The following DTX2 variants were observed in gnomAD, a reference collection of about 807,000 sequenced individuals.
DTX2 encodes probable E3 ubiquitin-protein ligase DTX2.
Under a neutral mutation model 55.3 loss-of-function variants are expected in DTX2, and 29 were observed. The observed-to-expected ratio is 0.52, with a 90% CI of 0.39 to 0.71. The LOEUF is 0.71. Among genes scored for constraint, DTX2 ranks in the 30% least tolerant of loss-of-function variants. The pLI is 0.00. For missense variants in DTX2, 537 were observed against 822.5 expected, an observed-to-expected ratio of 0.65 and a Z score of 4.25; for synonymous variants, 276 against 340.4, an observed-to-expected ratio of 0.81 and a Z score of 2.08.
rs750978103 is a variant in DTX2 at position 76,503,519 on chromosome 7, A to C, written c.1483A>C (p.Met495Leu). ...QGKMEVLRFQ[M>L]SLPGHEDCGT... ...AAAGATGGAGGTATTACGGTTCCAG[A>C]TGTCGCTCCCCGGCCACGAGGACTG... The change falls in exon 9 of 11, where the codon ATG becomes CTG. Residue 495 changes from methionine (M) to leucine (L), a missense_variant. Met to Leu is a conservative substitution (Grantham distance 15). Transcript: ENST00000430490. The C allele has an allele frequency of 5.6e-6, 9 of 1,612,746 alleles. No individual in the cohort carries two copies. In the South Asian group the frequency reaches 9.9e-5, roughly 18 times the overall value.
intron 3 of DTX2, among the ~76,000 whole-genome samples, chr7:76,481,060 A>G (rs768952838): frequency 1.6e-4 from 24 of 152,368 alleles, no homozygotes; most frequent in Middle Eastern, 3.4e-3. Flanking sequence ...GCAGGCCGGC[A>G]TGGAGGTGGT....
Position 76,503,463 on chromosome 7 carries a change from A to T in DTX2, c.1427A>T (p.Tyr476Phe), listed in dbSNP as rs780204346. Residue 476 changes from tyrosine (Y) to phenylalanine (F), a missense_variant, in exon 9 of 11, where the codon TAT (tyrosine) becomes TTT (phenylalanine). This residue lies in a region of DTX2 where 121 missense variants were observed against 136.8 expected (regional missense o/e 0.88). Coordinates refer to ENST00000430490, the MANE Select transcript of DTX2 (RefSeq NM_001102594.3). ...SLQCPSCKTIYGEKTGTQPQG... is the reference protein window; with the variant it reads ...SLQCPSCKTIFGEKTGTQPQG... ...CAGTGTCCCTCCTGCAAAACCATCT[A>T]TGGAGAGAAGACGGGGACCCAGCCC... is the stretch of plus-strand genomic sequence containing the variant. 3.7e-6 allele frequency: 6 copies of T among 1,612,982 alleles called. No individual in the cohort carries two copies. The South Asian group carries it at 6.6e-5, about 18-fold the overall frequency.
chr7:76,501,370 C>A (rs1358485417), intron 7 of DTX2: 2 of 442,444 alleles, frequency 4.5e-6, no homozygotes, highest in African/African-American at 4.0e-5. Context: ...GCCACATTCC[C>A]GCCTGCCCAG....
In DTX2 at chr7:76,493,631, T is replaced by C. The variant is rs1379729262; in HGVS notation, c.1009+1378T>C. Among the ~76,000 whole-genome samples, 4 of 84,202 alleles carry C rather than the reference T, an allele frequency of 4.8e-5. 1 individual carries two copies. The highest frequency in any genetic ancestry group is 1.9e-4 in the African/African-American group (3 of 15,808). 55.2% of individuals were successfully genotyped at this position (84,202 alleles called of 152,430 possible). A position where few individuals can be genotyped will look rare whatever the true frequency, so the allele number is the denominator to read the frequency against. ...GCGGAATTCAATAATGAGTTGGTGT[T>C]TTAGGGGAGTTGCTGTCATAGTGGC... On this transcript the variant is annotated intron_variant, in intron 5 of 10. Coordinates refer to ENST00000430490, the MANE Select transcript of DTX2 (RefSeq NM_001102594.3).
In DTX2 at chr7:76,505,370, G is replaced by C. The variant is rs1338297512; in HGVS notation, c.1642-4G>C. 7.0e-6 allele frequency: 11 copies of C among 1,567,734 alleles called. No homozygotes were observed. In the Admixed American group the frequency reaches 9.4e-5, roughly 13 times the overall value. ...TCCTCTTCCCCCTCCTCCTCCCCGG[G>C]CAGGTCCTAGAGCTCCTGAAGGTGG... On this transcript the variant is annotated splice_polypyrimidine_tract_variant and splice_region_variant and intron_variant, in intron 10 of 10. Coordinates refer to ENST00000430490, the MANE Select transcript of DTX2 (RefSeq NM_001102594.3). This position sits in a 1 kb window ranked among gnomAD's most constrained non-coding sequence, Gnocchi z 4.4.
chr7:76,468,026 A>G (rs1388003538), intron 2 of DTX2, among the ~76,000 whole-genome samples: 1 of 152,290 alleles, frequency 6.6e-6, no homozygotes, highest in Non-Finnish European at 1.5e-5. Context: ...GCAAGGGAAT[A>G]TTGAAGCCAT....
At chr7:76,464,128 T>TCTC (rs1806896957) in intron 2 of DTX2, among the ~76,000 whole-genome samples, 1 of 151,526 alleles carries the variant, frequency 6.6e-6, no homozygotes, top group Admixed American at 6.6e-5. Context: ...ATCACAAGGC[T>TCTC]CTCCTACCCA....
intron 4 of DTX2, among the ~76,000 whole-genome samples, chr7:76,490,822 A>AATGCATT (rs1810329618): frequency 1.8e-5 from 2 of 113,716 alleles, no homozygotes; most frequent in Non-Finnish European, 1.8e-5. Flanking sequence ...CAGGCTAGAT[A>AATGCATT]ATGCATTTTT....
intron 4 of DTX2, among the ~76,000 whole-genome samples, chr7:76,489,455 C>T: frequency 4.2e-5 from 1 of 23,914 alleles, no homozygotes; most frequent in Admixed American, 5.0e-4. Context: ...CAACTCTGGG[C>T]CCAGCATGCT....
chr7:76,481,186 G>C (rs954074548), intron 3 of DTX2, among the ~76,000 whole-genome samples: 1 of 131,824 alleles, frequency 7.6e-6, no homozygotes, highest in Non-Finnish European at 1.6e-5. Flanking sequence ...GATGTGTTTT[G>C]ATCTTTTTTT....
chr7:76,491,912 T>C, intron 4 of DTX2: 1 of 507,802 alleles, frequency 2.0e-6, no homozygotes, highest in Non-Finnish European at 3.6e-6. Flanking sequence ...TGGCCTCAAG[T>C]GATCCTCCCA....
intron 2 of DTX2, among the ~76,000 whole-genome samples, chr7:76,465,842 A>C: frequency 7.6e-6 from 1 of 131,140 alleles, no homozygotes; most frequent in Non-Finnish European, 1.6e-5. Flanking sequence ...AGGCCTCCCA[A>C]AGTGCTGGGA....
intron 2 of DTX2, chr7:76,478,693 G>A (rs1032541716): frequency 1.0e-5 from 1 of 95,924 alleles, no homozygotes; most frequent in African/African-American, 3.9e-5. Flanking sequence ...CATTGCAGGT[G>A]TGAGCCACCA....
At chr7:76,481,041 C>G (rs1809136343) in intron 3 of DTX2, among the ~76,000 whole-genome samples, 1 of 152,246 alleles carries the variant, frequency 6.6e-6, no homozygotes, top group African/African-American at 2.4e-5. Flanking sequence ...TGAAGGGTTC[C>G]TTTGGCCGGC....
chr7:76,471,895 G>A (rs1452704934), intron 2 of DTX2, among the ~76,000 whole-genome samples: 6 of 150,904 alleles, frequency 4.0e-5, no homozygotes, highest in Non-Finnish European at 7.4e-5. Context: ...TACTGGGGCC[G>A]GCACCATGGG....
In DTX2 at chr7:76,474,078, C is replaced by T. The variant is rs1241303543; in HGVS notation, c.-89-6343C>T. On this transcript the variant is annotated intron_variant, in intron 2 of 10. Coordinates refer to ENST00000430490, the MANE Select transcript of DTX2 (RefSeq NM_001102594.3). The stretch of plus-strand genomic sequence containing the variant: ...GTGAGATTACAGGCATGTGCCACCA[C>T]GCCCGGCAAATTTTGTATTTTTAGT... Among the ~76,000 whole-genome samples the T allele has an allele frequency of 7.3e-5, 11 of 150,984 alleles. 1 individual carries two copies. The highest frequency in any genetic ancestry group is 2.6e-4 in the Admixed American group (4 of 15,168).
chr7:76,475,515 C>T lies in DTX2; in HGVS notation c.-89-4906C>T, dbSNP rs1315894773. 1.6e-4 allele frequency among the ~76,000 whole-genome samples: 23 copies of T among 142,576 alleles called. No individual in the cohort carries two copies. The East Asian group carries it at 4.5e-3, about 28-fold the overall frequency. The allele number at this position is 142,576 out of a possible 152,430, so 93.5% of individuals were successfully genotyped here. Reference sequence around the variant, plus strand: ...CAACCTGGCCAATGTGGCAAAACCACATCTCTACTGAAAATACAAAAATTA... The same window carrying T: ...CAACCTGGCCAATGTGGCAAAACCATATCTCTACTGAAAATACAAAAATTA... On this transcript the variant is annotated intron_variant, in intron 2 of 10. Transcript: ENST00000430490.
In DTX2 at chr7:76,482,749, C is replaced by T. The variant is rs146985587; in HGVS notation, c.510C>T (p.Arg170=). ...CCAACAAGACTTCCAGCTTCTGCCGCAGCGTGCGGCGCCAAGCAGGGCCGC... is the reference window on the plus strand; with the variant it reads ...CCAACAAGACTTCCAGCTTCTGCCGTAGCGTGCGGCGCCAAGCAGGGCCGC... ...TQTNKTSSFC[R]SVRRQAGPPY... Residue 170 remains arginine (R), a synonymous_variant, in exon 4 of 11, where the codon CGC becomes CGT. Coordinates refer to ENST00000430490, the MANE Select transcript of DTX2 (RefSeq NM_001102594.3). 3.7e-6 allele frequency: 6 copies of T among 1,613,760 alleles called. No individual in the cohort carries two copies. The African/African-American group carries it at 6.7e-5, about 18-fold the overall frequency.
intron 2 of DTX2, among the ~76,000 whole-genome samples, chr7:76,464,611 G>A (rs1308371197): frequency 6.6e-6 from 1 of 151,876 alleles, no homozygotes; most frequent in Non-Finnish European, 1.5e-5. Flanking sequence ...TGTCCAGGCT[G>A]GTCTCTAACT....
Sources: gnomAD v4.1 joint callset for allele counts (sites outside exome capture counted in the v4.1 genomes callset) on GRCh38, gnomAD v4.1.1 for gene constraint, gnomAD v4.1.1 regional missense constraint, Gnocchi (gnomAD v3.1) non-coding constraint, MANE v1.5 for transcripts, NCBI Gene and HGNC (gene_info 2026-07-23, HGNC 2026-07-21) for gene names.